The following PITPNC1 variants were observed in gnomAD, a reference collection of about 807,000 sequenced individuals.
The protein encoded by PITPNC1 is cytoplasmic phosphatidylinositol transfer protein 1.
A neutral mutation model predicts 44.7 loss-of-function variants in PITPNC1; 18 were observed. The ratio of observed to expected loss-of-function variants is 0.40; its 90% confidence interval spans 0.28 to 0.60. PITPNC1 has a LOEUF of 0.60. PITPNC1 is among the 20% of genes least tolerant of loss of function. The pLI is 0.39. For synonymous variants in PITPNC1, 141 were observed against 149.6 expected, an observed-to-expected ratio of 0.94 and a Z score of 0.42; for missense variants, 290 against 418.4, an observed-to-expected ratio of 0.69 and a Z score of 2.68.
chr17:67,505,884 T>G (rs2040095194), intron 1 of PITPNC1, among the ~76,000 whole-genome samples: 1 of 152,212 alleles, frequency 6.6e-6, no homozygotes, highest in African/African-American at 2.4e-5. Flanking sequence ...GTAACTCTCT[T>G]TTCCCTCGCA....
chr17:67,419,808 A>G (rs937981330), intron 1 of PITPNC1, among the ~76,000 whole-genome samples: 5 of 152,062 alleles, frequency 3.3e-5, no homozygotes, highest in Non-Finnish European at 7.4e-5. Flanking sequence ...CGGGAGGCTG[A>G]GGCAGAAGAA....
At position 67,473,151 on chromosome 17, in the gene PITPNC1, C is replaced by G. The variant is rs563657988; in HGVS notation, c.49-59651C>G. ...TTGGCCTCCCAAAATGCTGGGAATA[C>G]AGGTGTGAGCCACCGTGCCCGGCCA... On this transcript the variant is annotated intron_variant, in intron 1 of 8. Coordinates refer to ENST00000581322, the MANE Select transcript of PITPNC1 (RefSeq NM_012417.4). Among the ~76,000 whole-genome samples the G allele has an allele frequency of 3.9e-5, 6 of 152,274 alleles. 2 individuals carry two copies. The highest frequency in any genetic ancestry group is 1.2e-4 in the African/African-American group (5 of 41,566).
chr17:67,678,958 A>G (rs2042652730), intron 8 of PITPNC1, among the ~76,000 whole-genome samples: 1 of 152,250 alleles, frequency 6.6e-6, no homozygotes, highest in Admixed American at 6.5e-5. Context: ...CTGCAACGTC[A>G]GCATCCCTAG....
chr17:67,689,427 C>T (rs953296574), intron 8 of PITPNC1, among the ~76,000 whole-genome samples: 2 of 152,054 alleles, frequency 1.3e-5, no homozygotes, highest in Non-Finnish European at 2.9e-5. Context: ...ATGACATTTC[C>T]ATTATCCTTT....
chr17:67,669,430 T>A, intron 6 of PITPNC1, 78 bp from the exon 7 acceptor site: 1 of 1,086,378 alleles, frequency 9.2e-7, no homozygotes, highest in Non-Finnish European at 1.3e-6. Context: ...TTCTATGTTA[T>A]TTAATACTTA....
At chr17:67,422,496 C>T (rs2038684917) in intron 1 of PITPNC1, among the ~76,000 whole-genome samples, 1 of 152,152 alleles carries the variant, frequency 6.6e-6, no homozygotes, top group Admixed American at 6.5e-5. Context: ...TGAGTACATA[C>T]AGGTGTGAGC....
chr17:67,460,429 G>GTT (rs879935962), intron 1 of PITPNC1, among the ~76,000 whole-genome samples: 1 of 145,338 alleles, frequency 6.9e-6, no homozygotes, highest in Non-Finnish European at 1.5e-5. Context: ...AAATTTTCTT[G>GTT]TTTTTTTTTT....
chr17:67,582,961 C>G (rs569710490), intron 5 of PITPNC1, among the ~76,000 whole-genome samples: 82 of 152,332 alleles, frequency 5.4e-4, no homozygotes, highest in African/African-American at 1.9e-3. Context: ...ACTTTACTTC[C>G]TCTTCCAAAC....
chr17:67,390,023 G>A (rs2038114027), intron 1 of PITPNC1, among the ~76,000 whole-genome samples: 1 of 147,200 alleles, frequency 6.8e-6, no homozygotes, highest in South Asian at 2.2e-4. Flanking sequence ...ATTTGTTTGA[G>A]CAGAATAGAT....
chr17:67,429,133 G>A (rs755866987), intron 1 of PITPNC1, among the ~76,000 whole-genome samples: 1 of 151,938 alleles, frequency 6.6e-6, no homozygotes, highest in Non-Finnish European at 1.5e-5. Context: ...GAGCCACCAC[G>A]CCCGGCTTTT....
intron 2 of PITPNC1, among the ~76,000 whole-genome samples, chr17:67,546,951 C>T (rs1308025824): frequency 6.6e-6 from 1 of 152,168 alleles, no homozygotes. Context: ...TATTTTAAGA[C>T]CCCAGAAATC....
chr17:67,455,474 G>A (rs1487797225), intron 1 of PITPNC1, among the ~76,000 whole-genome samples: 1 of 152,126 alleles, frequency 6.6e-6, no homozygotes, highest in East Asian at 1.9e-4. Context: ...GCTCTGGAGT[G>A]CAGTGATGCA....
intron 6 of PITPNC1, among the ~76,000 whole-genome samples, chr17:67,633,595 A>G (rs1019844336): frequency 6.6e-6 from 1 of 152,232 alleles, no homozygotes; most frequent in Non-Finnish European, 1.5e-5. Context: ...GGCCAACCAC[A>G]CCTATGCATT....
rs117234651 is a variant in PITPNC1, at chr17:67,685,614, A to G, written c.683-6958A>G. 8.7e-3 allele frequency among the ~76,000 whole-genome samples: 1,330 copies of G among 152,336 alleles called. 43 individuals carry two copies. The highest frequency in any genetic ancestry group is 0.087 in the East Asian group (450 of 5,190). ...TGGCAGAGGAAGCACTTTGTTCGGC[A>G]TACCATCATTGGTAAAGAGCATGAA... is the stretch of plus-strand genomic sequence containing the variant. On this transcript the variant is annotated intron_variant, in intron 8 of 8. Transcript: ENST00000581322.
chr17:67,552,515 A>T (rs1383883802), intron 3 of PITPNC1, among the ~76,000 whole-genome samples, 170 bp downstream of exon 3: 2 of 151,898 alleles, frequency 1.3e-5, no homozygotes, highest in African/African-American at 4.8e-5. Context: ...CTTCTAACAC[A>T]GACACAGAGA....
chr17:67,594,256 A>C (rs1598863584), intron 5 of PITPNC1, among the ~76,000 whole-genome samples: 2 of 152,318 alleles, frequency 1.3e-5, no homozygotes, highest in South Asian at 2.1e-4. Flanking sequence ...GAGAGGATGC[A>C]GTGAGATGCT....
intron 1 of PITPNC1, among the ~76,000 whole-genome samples, chr17:67,387,538 C>T (rs576500688): frequency 5.1e-4 from 78 of 152,144 alleles, no homozygotes; most frequent in Non-Finnish European, 8.2e-4. Context: ...TGGTGGTGGG[C>T]GCCTGTAATC....
At position 67,391,511 on chromosome 17, in the gene PITPNC1, C is replaced by T. The variant is rs181211344; in HGVS notation, c.48+13309C>T. ...TTTATTTATTTTTGAGATGGAGTCT[C>T]ACATTGTCATCCAGGCTGGAGTGCA... On this transcript the variant is annotated intron_variant, in intron 1 of 8. Transcript: ENST00000581322. Among the ~76,000 whole-genome samples the T allele has an allele frequency of 3.2e-3, 490 of 152,194 alleles. 5 individuals carry two copies. Among genetic ancestry groups the T allele is most frequent in the South Asian group, 0.019 (90 of 4,824 alleles).
chr17:67,425,193 GCACGCACACGCACACA>G (rs1264668366), intron 1 of PITPNC1, among the ~76,000 whole-genome samples: 7 of 52,122 alleles, frequency 1.3e-4, no homozygotes, highest in African/African-American at 3.1e-4. Flanking sequence ...TTGTGCGCGC[GCACGCACACGCACACA>G]CACACACACA....
Sources: gnomAD v4.1 joint callset for allele counts (sites outside exome capture counted in the v4.1 genomes callset) on GRCh38, gnomAD v4.1.1 for gene constraint, MANE v1.5 for transcripts, NCBI Gene and HGNC (gene_info 2026-07-23, HGNC 2026-07-21) for gene names.